GAN: variants seen among roughly 807,000 people sequenced by gnomAD.
GAN encodes epididymis secretory sperm binding protein.
In GAN, 48 loss-of-function variants were observed where a neutral mutation model predicts 71.3. The ratio of observed to expected loss-of-function variants is 0.67; its 90% CI spans 0.53 to 0.86. The LOEUF is 0.86. GAN is among the 40% of genes least tolerant of loss of function. The pLI is 0.00. For synonymous variants in GAN, 386 were observed against 276.8 expected (o/e 1.39, Z -3.92); for missense variants, 928 against 770.1 (o/e 1.21, Z -2.43).
intron 1 of GAN, among the ~76,000 whole-genome samples, chr16:81,337,088 A>G (rs535392929): frequency 6.6e-6 from 1 of 152,268 alleles, no homozygotes; most frequent in East Asian, 1.9e-4. Context: ...TCTTCCCTGA[A>G]GGTCTATTTT....
intron 9 of GAN, among the ~76,000 whole-genome samples, chr16:81,375,002 T>TGTA (rs34509673): frequency 6.6e-5 from 1 of 15,254 alleles, no homozygotes; most frequent in Non-Finnish European, 1.1e-4. Context: ...AAGATAAAAC[T>TGTA]AAAAGTTCCA....
intron 5 of GAN, among the ~76,000 whole-genome samples, chr16:81,359,989 C>T (rs1218968464): frequency 2.6e-5 from 4 of 151,782 alleles, no homozygotes; most frequent in African/African-American, 9.7e-5. Context: ...CTACTATATA[C>T]ACAATATGTC....
chr16:81,331,387 G>T (rs1226465922), intron 1 of GAN, among the ~76,000 whole-genome samples: 1 of 152,208 alleles, frequency 6.6e-6, no homozygotes, highest in Non-Finnish European at 1.5e-5. Context: ...CACTGCGGGG[G>T]AAAAGTGGTG....
chr16:81,337,693 T>A (rs937504338), intron 1 of GAN, among the ~76,000 whole-genome samples: 1 of 152,220 alleles, frequency 6.6e-6, no homozygotes, highest in Non-Finnish European at 1.5e-5. Flanking sequence ...CCATCTTCTT[T>A]ATTAGCTAGT....
chr16:81,359,494 A>G (rs138661295), intron 5 of GAN, among the ~76,000 whole-genome samples: 92 of 150,440 alleles, frequency 6.1e-4, no homozygotes, highest in African/African-American at 2.1e-3. Flanking sequence ...TGGGACTTAC[A>G]TTCTTGTTAA....
At position 81,357,814 on chromosome 16, in the gene GAN, C is replaced by T. The variant is rs756000444; in HGVS notation, c.856C>T (p.Arg286Trp). The change falls in exon 5 of 11, where the codon CGG becomes TGG. Residue 286 changes from arginine to tryptophan, a missense_variant. Arg to Trp is a moderately radical substitution (Grantham distance 101). Coordinates refer to ENST00000648994, the MANE Select transcript of GAN (RefSeq NM_022041.4). ...VTVGGEERVS[R>W]KPTAAMRCMC... ...ATCACTTATTTACTTCCTTAGTTCA[C>T]GGAAACCCACAGCAGCGATGCGATG... 5.0e-6 allele frequency: 8 copies of T among 1,612,956 alleles called. No individual in the cohort carries two copies. Among genetic ancestry groups the T allele is most frequent in the South Asian group, 3.3e-5 (3 of 91,078 alleles).
chr16:81,334,239 C>G (rs1909679890), intron 1 of GAN, among the ~76,000 whole-genome samples: 1 of 152,168 alleles, frequency 6.6e-6, no homozygotes, highest in Non-Finnish European at 1.5e-5. Flanking sequence ...TTCTGTGGAT[C>G]TGCCTGTGTT....
chr16:81,315,560 C>A (rs1909007736), intron 1 of GAN, among the ~76,000 whole-genome samples: 1 of 152,082 alleles, frequency 6.6e-6, no homozygotes, highest in South Asian at 2.1e-4. Flanking sequence ...CCGCCTTGTC[C>A]CTCCCGGTTC....
In GAN at chr16:81,354,332, C is replaced by G. The variant is rs1386301697; in HGVS notation, c.283-73C>G. 1.9e-5 allele frequency: 17 copies of G among 906,836 alleles called. No homozygotes were observed. In the African/African-American group the frequency reaches 2.0e-4, roughly 10 times the overall value. The allele number at this position is 906,836 out of a possible 1,614,324, so 56.2% of individuals were successfully genotyped here. On this transcript the variant is annotated intron_variant, in intron 2 of 10. Coordinates refer to ENST00000648994, the MANE Select transcript of GAN (RefSeq NM_022041.4). ...AAATAAATGGAAATTTCATGTGGCCCCAATTAATAGGTTAGTGGTTTGGGT... is the reference window on the plus strand; with the variant it reads ...AAATAAATGGAAATTTCATGTGGCCGCAATTAATAGGTTAGTGGTTTGGGT...
chr16:81,333,380 C>G (rs768337821), intron 1 of GAN, among the ~76,000 whole-genome samples: 11 of 152,050 alleles, frequency 7.2e-5, no homozygotes, highest in Non-Finnish European at 1.5e-4. Flanking sequence ...TTTTAGTATC[C>G]ACTTCTGTTT....
At chr16:81,333,466 G>A (rs1567482500) in intron 1 of GAN, among the ~76,000 whole-genome samples, 2 of 152,164 alleles carry the variant, frequency 1.3e-5, no homozygotes, top group Admixed American at 6.5e-5. Context: ...GTAGAAAATA[G>A]TACCGTTTAC....
chr16:81,387,675 G>C lies in GAN; in HGVS notation c.*10079G>C, dbSNP rs1236507525. ...TACTAAAAATACAAAAATTAGCCGAGTGTGTTGGTGGGCCCCTGTAATCCC... is the reference window on the plus strand; with the variant it reads ...TACTAAAAATACAAAAATTAGCCGACTGTGTTGGTGGGCCCCTGTAATCCC... On this transcript the variant is annotated 3_prime_UTR_variant, in exon 11 of 11. Coordinates refer to ENST00000648994, the MANE Select transcript of GAN (RefSeq NM_022041.4). 1 of 152,192 alleles carries C rather than the reference G, an allele frequency of 6.6e-6. No individual in the cohort carries two copies. Among genetic ancestry groups the C allele is most frequent in the Non-Finnish European group, 1.5e-5 (1 of 68,092 alleles). The allele number at this position is 152,192 out of a possible 1,614,324, so 9.4% of individuals were successfully genotyped here.
chr16:81,376,917 G>T lies in GAN; in HGVS notation c.1503-302G>T, dbSNP rs188353416. ...ATGGAGTACTGCTTAGAAATAAACA[G>T]AAATGAATGACAGATGCAAACAACA... On this transcript the variant is annotated intron_variant, in intron 9 of 10. Coordinates refer to ENST00000648994, the MANE Select transcript of GAN (RefSeq NM_022041.4). 3.9e-5 allele frequency among the ~76,000 whole-genome samples: 6 copies of T among 152,290 alleles called. No homozygotes were observed. The East Asian group carries it at 1.2e-3, about 29-fold the overall frequency.
chr16:81,366,035 A>G (rs896586628), intron 9 of GAN, among the ~76,000 whole-genome samples: 5 of 152,168 alleles, frequency 3.3e-5, no homozygotes, highest in Admixed American at 1.3e-4. Context: ...TATTGCTGCT[A>G]CTTGCCTAAA....
chr16:81,343,021 C>T lies in GAN; in HGVS notation c.168-8562C>T, dbSNP rs1484126533. Among the ~76,000 whole-genome samples the T allele has an allele frequency of 2.0e-5, 3 of 152,192 alleles. No homozygotes were observed. In the East Asian group the frequency reaches 5.8e-4, roughly 29 times the overall value. The stretch of plus-strand genomic sequence containing the variant: ...ACACCTCTACAGAAATAAACTAGAA[C>T]ATCTAGAAGAAATGGATAAATTCCT... On this transcript the variant is annotated intron_variant, in intron 1 of 10. Coordinates refer to ENST00000648994, the MANE Select transcript of GAN (RefSeq NM_022041.4).
chr16:81,352,723 C>T (rs1910340386), intron 2 of GAN, among the ~76,000 whole-genome samples: 1 of 152,114 alleles, frequency 6.6e-6, no homozygotes, highest in African/African-American at 2.4e-5. Flanking sequence ...TGCTTTCTCT[C>T]TTCTCTCAGC....
In GAN at chr16:81,327,803, G is replaced by A. The variant is rs114551567; in HGVS notation, c.167+12523G>A. Among the ~76,000 whole-genome samples, 735 of 150,874 alleles carry A rather than the reference G, an allele frequency of 4.9e-3. 9 individuals carry two copies. Among genetic ancestry groups the A allele is most frequent in the African/African-American group, 0.017 (696 of 40,192 alleles). ...AACTTGTAAGAGTGCTCCCCAAAGT[G>A]AAGGGGCTTATTCTTGAGATGCTCA... On this transcript the variant is annotated intron_variant, in intron 1 of 10. Transcript: ENST00000648994.
chr16:81,362,039 C>G (rs113054841), intron 5 of GAN, among the ~76,000 whole-genome samples: 196 of 152,264 alleles, frequency 1.3e-3, no homozygotes, highest in African/African-American at 4.4e-3. Flanking sequence ...ACCTAATACG[C>G]CATTACATGA....
chr16:81,324,952 C>G (rs1909334137), intron 1 of GAN, among the ~76,000 whole-genome samples: 1 of 152,174 alleles, frequency 6.6e-6, no homozygotes, highest in African/African-American at 2.4e-5. Context: ...TGGAGGCGGA[C>G]ACAGCAGCTG....
Sources: allele counts gnomAD v4.1 joint callset (sites outside exome capture counted in the v4.1 genomes callset), GRCh38; gene constraint gnomAD v4.1.1; transcripts MANE v1.5; gene names NCBI Gene and HGNC (gene_info 2026-07-23, HGNC 2026-07-21).